The following GJA4 variants were observed in gnomAD, a reference collection of about 807,000 sequenced individuals.
GJA4 encodes gap junction protein alpha 4.
In GJA4, 13 loss-of-function variants were observed where a neutral mutation model predicts 25.1. That is an observed-to-expected ratio of 0.52 (90% CI 0.34 to 0.82). The LOEUF (loss-of-function observed/expected upper bound fraction) is 0.82, where lower values mean the gene tolerates loss of function less well. GJA4 is among the 40% of genes least tolerant of loss of function. The pLI is 0.02. For synonymous variants in GJA4, 167 were observed against 193.9 expected, an observed-to-expected ratio of 0.86 and a Z score of 1.15; for missense variants, 357 against 443.5, an observed-to-expected ratio of 0.80 and a Z score of 1.75.
chr1:34,793,998 G>A (rs1640230885), intron 1 of GJA4, 199 bp from the exon 2 acceptor site: 1 of 593,670 alleles, frequency 1.7e-6, no homozygotes, highest in Non-Finnish European at 3.0e-6. Flanking sequence ...ATACAAAGAG[G>A]TGGGCAGCCA....
Position 34,794,228 on chromosome 1 carries a change from C to T in GJA4, c.15C>T (p.Gly5=). The T allele has an allele frequency of 6.2e-7, 1 of 1,613,924 alleles. No individual in the cohort carries two copies. The highest frequency in any genetic ancestry group is 8.5e-7 in the Non-Finnish European group (1 of 1,179,886). MGDW[G]FLEKLLDQVQ... ...GCCCGGGAGCCATGGGTGACTGGGG[C>T]TTCCTGGAGAAGTTGCTGGACCAGG... The change falls in exon 2 of 2, where the codon GGC becomes GGT. Residue 5 remains glycine, a synonymous_variant. Coordinates refer to ENST00000342280, the MANE Select transcript of GJA4 (RefSeq NM_002060.3). The surrounding 1 kb of genome is among the most constrained non-coding windows in gnomAD (Gnocchi z 7.8).
In GJA4 at chr1:34,794,666, G is replaced by A; in HGVS notation, c.453G>A (p.Leu151=). Reference sequence around the variant, plus strand: ...GTCGCCTGCGCATCCGCGGAGCACTGATGGGCACCTATGTCGCCAGTGTGC... The same window carrying A: ...GTCGCCTGCGCATCCGCGGAGCACTAATGGGCACCTATGTCGCCAGTGTGC... ...EDGRLRIRGA[L]MGTYVASVLC... The change falls in exon 2 of 2, where the codon CTG becomes CTA. Residue 151 remains leucine (L), a synonymous_variant. Transcript: ENST00000342280. The surrounding 1 kb of genome is among the most constrained non-coding windows in gnomAD (Gnocchi z 7.8). The A allele has an allele frequency of 6.2e-7, 1 of 1,610,252 alleles. No individual in the cohort carries two copies. Among genetic ancestry groups the A allele is most frequent in the East Asian group, 2.2e-5 (1 of 44,872 alleles).
chr1:34,794,656 G>A lies in GJA4; in HGVS notation c.443G>A (p.Arg148His), dbSNP rs758561735. The change falls in exon 2 of 2, where the codon CGC (arginine) becomes CAC (histidine). Residue 148 changes from arginine (R) to histidine (H), a missense_variant. This residue lies in a region of GJA4 where 278 missense variants were observed against 298.1 expected (regional missense o/e 0.93). Coordinates refer to ENST00000342280, the MANE Select transcript of GJA4 (RefSeq NM_002060.3). The surrounding 1 kb of genome is among the most constrained non-coding windows in gnomAD (Gnocchi z 7.8). The part of the protein sequence containing the change: ...SVAEDGRLRI[R>H]GALMGTYVAS... ...GCAGAAGATGGTCGCCTGCGCATCCGCGGAGCACTGATGGGCACCTATGTC... is the reference window on the plus strand; with the variant it reads ...GCAGAAGATGGTCGCCTGCGCATCCACGGAGCACTGATGGGCACCTATGTC... 46 of 1,608,736 alleles carry A rather than the reference G, an allele frequency of 2.9e-5. 1 individual carries two copies. The Middle Eastern group carries it at 4.9e-4, about 17-fold the overall frequency.
Position 34,794,024 on chromosome 1 carries a change from G to C in GJA4, c.-17-173G>C, listed in dbSNP as rs1640231298. On this transcript the variant is annotated intron_variant, in intron 1 of 1. Transcript: ENST00000342280. The surrounding 1 kb of genome is among the most constrained non-coding windows in gnomAD (Gnocchi z 7.8). ...TGGGCAGCCATCATCCAAAAATCTG[G>C]GTTGGGTCCTGCCTGCACTGCTGAG... is the stretch of plus-strand genomic sequence containing the variant. 1.5e-5 allele frequency: 9 copies of C among 604,810 alleles called. No individual in the cohort carries two copies. The highest frequency in any genetic ancestry group is 3.0e-5 in the Admixed American group (1 of 33,770). The allele number at this position is 604,810 out of a possible 1,614,324, so 37.5% of individuals were successfully genotyped here.
In GJA4 at chr1:34,794,384, C is replaced by G. The variant is rs755603392; in HGVS notation, c.171C>G (p.Ala57=). The change falls in exon 2 of 2, where the codon GCC becomes GCG. Residue 57 remains alanine, a synonymous_variant. Coordinates refer to ENST00000342280, the MANE Select transcript of GJA4 (RefSeq NM_002060.3). This position sits in a 1 kb window ranked among gnomAD's most constrained non-coding sequence, Gnocchi z 7.8. The stretch of plus-strand genomic sequence containing the variant: ...AATCAGATTTCGAGTGTAACACGGC[C>G]CAGCCAGGCTGCACCAACGTCTGCT... The part of the protein sequence containing the change: ...DEQSDFECNT[A]QPGCTNVCYD... 1 of 1,614,190 alleles carries G rather than the reference C, an allele frequency of 6.2e-7. No individual in the cohort carries two copies. Among genetic ancestry groups the G allele is most frequent in the Non-Finnish European group, 8.5e-7 (1 of 1,180,014 alleles).
Position 34,794,162 on chromosome 1 carries a change from A to G in GJA4, c.-17-35A>G. On this transcript the variant is annotated intron_variant, in intron 1 of 1. Coordinates refer to ENST00000342280, the MANE Select transcript of GJA4 (RefSeq NM_002060.3). This position sits in a 1 kb window ranked among gnomAD's most constrained non-coding sequence, Gnocchi z 7.8. ...TTGCTGGGCGAACGAGAAGGATGCC[A>G]TGCTGACACACTGACGTGCTCTGTC... The G allele has an allele frequency of 6.5e-7, 1 of 1,548,762 alleles. No individual in the cohort carries two copies. Among genetic ancestry groups the G allele is most frequent in the Non-Finnish European group, 8.8e-7 (1 of 1,134,070 alleles).
At position 34,794,734 on chromosome 1, in the gene GJA4, G is replaced by T; in HGVS notation, c.521G>T (p.Trp174Leu). The T allele has an allele frequency of 6.2e-7, 1 of 1,613,754 alleles. No homozygotes were observed. The highest frequency in any genetic ancestry group is 2.2e-5 in the East Asian group (1 of 44,864). ...GAGGCAGGCTTCCTCTATGGCCAGT[G>T]GCGCCTGTACGGCTGGACCATGGAG... ...VLEAGFLYGQWRLYGWTMEPV... is the reference protein window; with the variant it reads ...VLEAGFLYGQLRLYGWTMEPV... The change falls in exon 2 of 2, where the codon TGG becomes TTG. Residue 174 changes from tryptophan to leucine, a missense_variant. Trp to Leu is a moderately conservative substitution (Grantham distance 61). Transcript: ENST00000342280. The surrounding 1 kb of genome is among the most constrained non-coding windows in gnomAD (Gnocchi z 7.8).
At position 34,794,267 on chromosome 1, in the gene GJA4, G is replaced by C. The variant is rs143380983; in HGVS notation, c.54G>C (p.Ser18=). The C allele has an allele frequency of 8.7e-6, 14 of 1,614,028 alleles. No individual in the cohort carries two copies. Among genetic ancestry groups the C allele is most frequent in the Admixed American group, 1.7e-5 (1 of 60,004 alleles). ...EKLLDQVQEH[S]TVVGKIWLTV... ...TGCTGGACCAGGTCCAGGAGCACTC[G>C]ACCGTGGTGGGTAAGATCTGGCTGA... The change falls in exon 2 of 2, where the codon TCG becomes TCC. Residue 18 remains serine, a synonymous_variant. Coordinates refer to ENST00000342280, the MANE Select transcript of GJA4 (RefSeq NM_002060.3). This position sits in a 1 kb window ranked among gnomAD's most constrained non-coding sequence, Gnocchi z 7.8.
In GJA4 at chr1:34,794,166, T is replaced by A; in HGVS notation, c.-17-31T>A. 1 of 1,565,048 alleles carries A rather than the reference T, an allele frequency of 6.4e-7. No homozygotes were observed. Among genetic ancestry groups the A allele is most frequent in the Non-Finnish European group, 8.7e-7 (1 of 1,146,440 alleles). On this transcript the variant is annotated intron_variant, in intron 1 of 1. Transcript: ENST00000342280. This position sits in a 1 kb window ranked among gnomAD's most constrained non-coding sequence, Gnocchi z 7.8. The stretch of plus-strand genomic sequence containing the variant: ...TGGGCGAACGAGAAGGATGCCATGC[T>A]GACACACTGACGTGCTCTGTCTCCT...
rs773046576 is a variant in GJA4 at position 34,795,127 on chromosome 1, C to G, written c.914C>G (p.Pro305Arg). 8 of 1,611,978 alleles carry G rather than the reference C, an allele frequency of 5.0e-6. No homozygotes were observed. The highest frequency in any genetic ancestry group is 1.7e-5 in the Admixed American group (1 of 60,000). ...GAGGAGAGGCTGGCGTCTTCCAGGC[C>G]CCCTCTCTTCCTGGACCCACCCCCT... ...TTEERLASSR[P>R]PLFLDPPPQN... The change falls in exon 2 of 2, where the codon CCC becomes CGC. Residue 305 changes from proline (P) to arginine (R), a missense_variant. Transcript: ENST00000342280.
rs1247861995 is a variant in GJA4 at position 34,795,150 on chromosome 1, C to A, written c.937C>A (p.Pro313Thr). Residue 313 changes from proline to threonine, a missense_variant, in exon 2 of 2, where the codon CCT (proline) becomes ACT (threonine). This residue lies in a region of GJA4 where 278 missense variants were observed against 298.1 expected (regional missense o/e 0.93). Coordinates refer to ENST00000342280, the MANE Select transcript of GJA4 (RefSeq NM_002060.3). ...SRPPLFLDPP[P>T]QNGQKPPSRP... Reference sequence around the variant, plus strand: ...GCCCCCTCTCTTCCTGGACCCACCCCCTCAGAATGGCCAAAAACCCCCAAG... The same window carrying A: ...GCCCCCTCTCTTCCTGGACCCACCCACTCAGAATGGCCAAAAACCCCCAAG... 5.6e-6 allele frequency: 9 copies of A among 1,612,838 alleles called. No individual in the cohort carries two copies. The highest frequency in any genetic ancestry group is 7.6e-6 in the Non-Finnish European group (9 of 1,179,080).
rs542437604 is a variant in GJA4 at position 34,794,170 on chromosome 1, A to G, written c.-17-27A>G. 6.3e-6 allele frequency: 10 copies of G among 1,577,260 alleles called. 1 individual carries two copies. In the South Asian group the frequency reaches 1.0e-4, roughly 16 times the overall value. On this transcript the variant is annotated intron_variant, in intron 1 of 1. Coordinates refer to ENST00000342280, the MANE Select transcript of GJA4 (RefSeq NM_002060.3). This position sits in a 1 kb window ranked among gnomAD's most constrained non-coding sequence, Gnocchi z 7.8. ...CGAACGAGAAGGATGCCATGCTGAC[A>G]CACTGACGTGCTCTGTCTCCTTGCA...
At chr1:34,793,208 G>A (rs771282125) in intron 1 of GJA4, 140 bp downstream of exon 1, 4 of 244,184 alleles carry the variant, frequency 1.6e-5, no homozygotes, top group Non-Finnish European at 3.2e-5. Flanking sequence ...AGGTGGCCTT[G>A]GCCAGGCTCC....
In GJA4 at chr1:34,795,553, AGTCACCTGTG is replaced by A; in HGVS notation, c.*339_*348del. Reference sequence around the variant, plus strand: ...TTACCCCAACCTCACCCTATGGAACAGTCACCTGTGCGCAGGTTGTCCTCAAACCCTCTCC... The same window carrying A: ...TTACCCCAACCTCACCCTATGGAACACGCAGGTTGTCCTCAAACCCTCTCC... On this transcript the variant is annotated 3_prime_UTR_variant, in exon 2 of 2. Transcript: ENST00000342280. 9 of 270,572 alleles carry A rather than the reference AGTCACCTGTG, an allele frequency of 3.3e-5. No homozygotes were observed. In the South Asian group the frequency reaches 3.5e-4, roughly 10 times the overall value. The allele number at this position is 270,572 out of a possible 1,614,324, so 16.8% of individuals were successfully genotyped here. A position where few individuals can be genotyped will look rare whatever the true frequency, so the allele number is the denominator to read the frequency against.
At position 34,795,017 on chromosome 1, in the gene GJA4, C is replaced by G. The variant is rs146453705; in HGVS notation, c.804C>G (p.Pro268=). 3.5e-3 allele frequency: 5,601 copies of G among 1,613,296 alleles called. 215 individuals are homozygous for G. In the Admixed American group the frequency reaches 0.067, roughly 19 times the overall value. The change falls in exon 2 of 2, where the codon CCC becomes CCG. Residue 268 remains proline, a synonymous_variant. Coordinates refer to ENST00000342280, the MANE Select transcript of GJA4 (RefSeq NM_002060.3). ...CGGACCAGGTCTTCTTCTACCTCCC[C>G]GTGGGCCAGGGGCCCTCATCCCCAC... ...PYTDQVFFYL[P]VGQGPSSPPC... is the part of the protein sequence containing the mutation.
chr1:34,795,098 C>T lies in GJA4; in HGVS notation c.885C>T (p.Thr295=). 1 of 1,613,838 alleles carries T rather than the reference C, an allele frequency of 6.2e-7. No homozygotes were observed. Residue 295 remains threonine, a synonymous_variant, in exon 2 of 2, where the codon ACC becomes ACT. Transcript: ENST00000342280. ...GTGAGCAGAACTGGGCCAACCTGAC[C>T]ACAGAGGAGAGGCTGGCGTCTTCCA... The part of the protein sequence containing the change: ...SSSEQNWANL[T]TEERLASSRP...
chr1:34,794,245 T>C lies in GJA4; in HGVS notation c.32T>C (p.Leu11Pro). 1 of 1,614,194 alleles carries C rather than the reference T, an allele frequency of 6.2e-7. No homozygotes were observed. The highest frequency in any genetic ancestry group is 1.6e-4 in the Middle Eastern group (1 of 6,062). ...GACTGGGGCTTCCTGGAGAAGTTGC[T>C]GGACCAGGTCCAGGAGCACTCGACC... Reference protein sequence around the residue: MGDWGFLEKLLDQVQEHSTVV... With the variant: MGDWGFLEKLPDQVQEHSTVV... Residue 11 changes from leucine to proline, a missense_variant, in exon 2 of 2, where the codon CTG (leucine) becomes CCG (proline). Physicochemically the swap from Leu to Pro is moderately conservative, Grantham distance 98. This residue lies in a region of GJA4 where 79 missense variants were observed against 145.4 expected (regional missense o/e 0.54). Transcript: ENST00000342280. The surrounding 1 kb of genome is among the most constrained non-coding windows in gnomAD (Gnocchi z 7.8).
In GJA4 at chr1:34,795,138, C is replaced by G; in HGVS notation, c.925C>G (p.Leu309Val). ...GGCGTCTTCCAGGCCCCCTCTCTTC[C>G]TGGACCCACCCCCTCAGAATGGCCA... ...RLASSRPPLF[L>V]DPPPQNGQKP... Residue 309 changes from leucine (L) to valine (V), a missense_variant, in exon 2 of 2, where the codon CTG (leucine) becomes GTG (valine). Transcript: ENST00000342280. 6.2e-7 allele frequency: 1 copy of G among 1,612,962 alleles called. No homozygotes were observed. The highest frequency in any genetic ancestry group is 8.5e-7 in the Non-Finnish European group (1 of 1,179,072).
Position 34,794,295 on chromosome 1 carries a change from G to A in GJA4, c.82G>A (p.Val28Met), listed in dbSNP as rs1465743386. ...STVVGKIWLT[V>M]LFIFRILILG... ...CGTGGTGGGTAAGATCTGGCTGACG[G>A]TGCTCTTCATCTTCCGCATCCTCAT... The change falls in exon 2 of 2, where the codon GTG becomes ATG. Residue 28 changes from valine (V) to methionine (M), a missense_variant. Around this residue, in one of 2 missense-constraint regions of GJA4, gnomAD observed 79 missense variants for 145.4 expected, o/e 0.54. Transcript: ENST00000342280. The surrounding 1 kb of genome is among the most constrained non-coding windows in gnomAD (Gnocchi z 7.8). The A allele has an allele frequency of 3.7e-6, 6 of 1,614,178 alleles. No individual in the cohort carries two copies. The highest frequency in any genetic ancestry group is 3.3e-5 in the South Asian group (3 of 91,080).
Sources: allele counts gnomAD v4.1 joint callset, GRCh38; gene constraint gnomAD v4.1.1; regional missense constraint gnomAD v4.1.1; non-coding constraint Gnocchi (gnomAD v3.1); transcripts MANE v1.5; gene names NCBI Gene and HGNC (gene_info 2026-07-23, HGNC 2026-07-21).